CCDC39: variants seen among roughly 807,000 people sequenced by gnomAD.
The protein encoded by CCDC39 is coiled-coil domain-containing protein 39.
A neutral mutation model predicts 121.0 loss-of-function variants in CCDC39; 113 were observed. That is an observed-to-expected ratio of 0.93 (90% CI 0.80 to 1.09). The LOEUF (loss-of-function observed/expected upper bound fraction) is 1.09, where lower values mean the gene tolerates loss of function less well. Among genes scored for constraint, CCDC39 ranks in the 50% least tolerant of loss-of-function variants. The probability of loss-of-function intolerance (pLI) is 0.00; values close to 1 mark genes in which losing one functional copy is unlikely to be tolerated. For synonymous variants in CCDC39, 349 were observed against 352.2 expected (o/e 0.99, Z 0.10); for missense variants, 1,063 against 1,074.7 (o/e 0.99, Z 0.15).
chr3:180,660,485 A>G, intron 4 of CCDC39, 85 bp downstream of exon 4: 1 of 1,234,504 alleles, frequency 8.1e-7, no homozygotes, highest in South Asian at 2.2e-5. Context: ...GCTGCCTTAA[A>G]AATCCTAAGT....
intron 4 of CCDC39, 115 bp downstream of exon 4, chr3:180,660,455 G>A (rs1711713641): frequency 1.1e-6 from 1 of 890,894 alleles, no homozygotes; most frequent in Non-Finnish European, 1.6e-6. Context: ...AGAAGCCTCT[G>A]ACTCAGAAGT....
intron 13 of CCDC39, among the ~76,000 whole-genome samples, chr3:180,641,526 A>T (rs1717954867): frequency 6.6e-6 from 1 of 152,180 alleles, no homozygotes; most frequent in African/African-American, 2.4e-5. Flanking sequence ...ACTGATTGTT[A>T]GAACAAGATT....
intron 1 of CCDC39, among the ~76,000 whole-genome samples, chr3:180,677,892 T>C (rs1448648288): frequency 6.6e-6 from 1 of 151,864 alleles, no homozygotes; most frequent in Non-Finnish European, 1.5e-5. Context: ...TTTACAGGAG[T>C]TGCTTTTTAA....
intron 1 of CCDC39, among the ~76,000 whole-genome samples, chr3:180,677,167 TTTATATATATATATA>T (rs1560097195): frequency 1.1e-4 from 8 of 72,248 alleles, no homozygotes; most frequent in Non-Finnish European, 1.9e-4. Context: ...TAATAATAAT[TTTATATATATATATA>T]TATATATATA....
At chr3:180,626,302 G>C (rs979686376) in intron 14 of CCDC39, among the ~76,000 whole-genome samples, 1 of 152,132 alleles carries the variant, frequency 6.6e-6, no homozygotes, top group Non-Finnish European at 1.5e-5. Flanking sequence ...TTGAGTACTT[G>C]GGGGATGGGT....
chr3:180,677,470 A>T (rs1337149328), intron 1 of CCDC39, among the ~76,000 whole-genome samples: 1 of 151,690 alleles, frequency 6.6e-6, no homozygotes, highest in Non-Finnish European at 1.5e-5. Flanking sequence ...GGGGAAAAGG[A>T]GGTGGGAAAA....
intron 1 of CCDC39, among the ~76,000 whole-genome samples, chr3:180,671,432 C>T (rs1712045066): frequency 6.6e-6 from 1 of 152,178 alleles, no homozygotes. Flanking sequence ...ACCTCTGCTG[C>T]TGCATACTTC....
intron 12 of CCDC39, among the ~76,000 whole-genome samples, chr3:180,643,381 A>T (rs1307464405): frequency 6.6e-6 from 1 of 151,220 alleles, no homozygotes; most frequent in Non-Finnish European, 1.5e-5. Context: ...ATGGAACATG[A>T]CATAACAGAG....
At chr3:180,644,393 T>C (rs751864654) in intron 11 of CCDC39, 136 bp from the exon 12 acceptor site, 12 of 547,140 alleles carry the variant, frequency 2.2e-5, no homozygotes, top group Non-Finnish European at 3.6e-5. Context: ...TTATTATCTC[T>C]CTTTCTGCTA....
intron 12 of CCDC39, among the ~76,000 whole-genome samples, chr3:180,643,591 A>G (rs978575732): frequency 2.0e-5 from 3 of 152,192 alleles, no homozygotes; most frequent in Admixed American, 6.5e-5. Flanking sequence ...TACTACTGAT[A>G]GGAGTATTAA....
chr3:180,675,261 C>T (rs1316522291), intron 1 of CCDC39, among the ~76,000 whole-genome samples: 1 of 152,054 alleles, frequency 6.6e-6, no homozygotes, highest in Non-Finnish European at 1.5e-5. Flanking sequence ...TTCTAGTTTA[C>T]TTGCATAGAG....
At position 180,640,399 on chromosome 3, in the gene CCDC39, A is replaced by G. The variant is rs796843805; in HGVS notation, c.1874+1594T>C. On this transcript the variant is annotated intron_variant, in intron 13 of 19. Coordinates refer to ENST00000476379, the MANE Select transcript of CCDC39 (RefSeq NM_181426.2). The stretch of plus-strand genomic sequence containing the variant: ...GCTAAGCATCTGAAGAATTTAGGAA[A>G]ATAACATTTAAAAACCCTGTATAAA... Among the ~76,000 whole-genome samples the G allele has an allele frequency of 1.3e-4, 20 of 152,192 alleles. 2 individuals are homozygous for G. Among genetic ancestry groups the G allele is most frequent in the African/African-American group, 4.8e-4 (20 of 41,552 alleles).
chr3:180,641,369 T>C (rs553734425), intron 13 of CCDC39, among the ~76,000 whole-genome samples: 42 of 152,114 alleles, frequency 2.8e-4, no homozygotes, highest in Middle Eastern at 6.8e-3. Context: ...GATCAGATAA[T>C]AAGACAAGGA....
intron 1 of CCDC39, among the ~76,000 whole-genome samples, chr3:180,676,704 C>A (rs1350305669): frequency 6.6e-6 from 1 of 152,128 alleles, no homozygotes; most frequent in Non-Finnish European, 1.5e-5. Context: ...ATGTTTATTG[C>A]AGCACTATTC....
chr3:180,652,080 C>T, intron 8 of CCDC39, 83 bp downstream of exon 8: 2 of 755,668 alleles, frequency 2.6e-6, no homozygotes, highest in South Asian at 1.9e-5. Context: ...ATTATTTAAA[C>T]AACAAATAGT....
intron 13 of CCDC39, among the ~76,000 whole-genome samples, chr3:180,638,178 C>T (rs1043180925): frequency 1.3e-5 from 2 of 151,960 alleles, no homozygotes; most frequent in African/African-American, 4.8e-5. Flanking sequence ...TTATAAAACA[C>T]CAAGGATAAA....
rs745993671 is a variant in CCDC39 at position 180,631,503 on chromosome 3, TCTC to T, written c.1961_1963del (p.Gly654del). The T allele has an allele frequency of 2.5e-6, 4 of 1,607,668 alleles. No homozygotes were observed. Among genetic ancestry groups the T allele is most frequent in the African/African-American group, 1.3e-5 (1 of 74,918 alleles). On this transcript the variant is annotated inframe_deletion, in exon 14 of 20. Coordinates refer to ENST00000476379, the MANE Select transcript of CCDC39 (RefSeq NM_181426.2). Reference sequence around the variant, plus strand: ...ATAATAGGCCTGTGTTTTCTCCTCTTCTCCTTCAGGAGGCAGCATAACAACAGT... The same window carrying T: ...ATAATAGGCCTGTGTTTTCTCCTCTTCTTCAGGAGGCAGCATAACAACAGT...
At chr3:180,659,953 T>C (rs998173426) in intron 4 of CCDC39, among the ~76,000 whole-genome samples, 184 bp from the exon 5 acceptor site, 2 of 152,150 alleles carry the variant, frequency 1.3e-5, no homozygotes, top group African/African-American at 2.4e-5. Context: ...TGTTTGCATA[T>C]AGCTGCATAA....
chr3:180,627,546 A>G (rs1299027271), intron 14 of CCDC39, among the ~76,000 whole-genome samples: 2 of 152,228 alleles, frequency 1.3e-5, no homozygotes, highest in Admixed American at 6.5e-5. Flanking sequence ...ATATCTCTCA[A>G]AAGTCTGTCC....
Sources: allele counts gnomAD v4.1 joint callset (sites outside exome capture counted in the v4.1 genomes callset), GRCh38; gene constraint gnomAD v4.1.1; transcripts MANE v1.5; gene names NCBI Gene and HGNC (gene_info 2026-07-23, HGNC 2026-07-21).